The following PPP2R2B variants were observed in gnomAD, a reference collection of about 807,000 sequenced individuals.
PPP2R2B encodes protein phosphatase 2 regulatory subunit Bbeta, also known as serine/threonine-protein phosphatase 2A 55 kDa regulatory subunit B beta isoform.
A neutral mutation model predicts 46.0 loss-of-function variants in PPP2R2B; 5 were observed. The observed-to-expected ratio is 0.11, with a 90% CI of 0.06 to 0.23. The LOEUF is 0.23. Among genes scored for constraint, PPP2R2B ranks in the 10% least tolerant of loss-of-function variants. The pLI is 1.00. For missense variants in PPP2R2B, 367 were observed against 575.0 expected, an observed-to-expected ratio of 0.64 and a Z score of 3.70; for synonymous variants, 215 against 206.7, an observed-to-expected ratio of 1.04 and a Z score of -0.34.
At chr5:146,930,140 G>A in intron 1 of PPP2R2B, among the ~76,000 whole-genome samples, 1 of 152,174 alleles carries the variant, frequency 6.6e-6, no homozygotes, top group Non-Finnish European at 1.5e-5. Context: ...GATAGAAAGA[G>A]TGGAATGGAG....
In PPP2R2B at chr5:146,844,192, G is replaced by C. The variant is rs1759840004; in HGVS notation, c.70+33810C>G. ...CACAGGAAGGGGAATATCACACTCT[G>C]GGGACTGTGGTGGGGTCGGGGGAGG... On this transcript the variant is annotated intron_variant, in intron 2 of 9. Coordinates refer to ENST00000394411, the MANE Select transcript of PPP2R2B (RefSeq NM_181675.4). Among the ~76,000 whole-genome samples, 3 of 134,874 alleles carry C rather than the reference G, an allele frequency of 2.2e-5. No homozygotes were observed. The South Asian group carries it at 8.0e-4, about 36-fold the overall frequency. The allele number at this position is 134,874 out of a possible 152,430, so 88.5% of individuals were successfully genotyped here. A position where few individuals can be genotyped will look rare whatever the true frequency, so the allele number is the denominator to read the frequency against.
intron 5 of PPP2R2B, among the ~76,000 whole-genome samples, chr5:146,670,998 C>T (rs910715416): frequency 2.6e-5 from 4 of 151,950 alleles, no homozygotes; most frequent in Admixed American, 2.6e-4. Flanking sequence ...GGTCAGTTCT[C>T]AGTTTAAAAA....
At chr5:146,590,796 G>A (rs539702089) in intron 9 of PPP2R2B, among the ~76,000 whole-genome samples, 106 of 152,126 alleles carry the variant, frequency 7.0e-4, no homozygotes, top group African/African-American at 2.5e-3. Context: ...CTCTGAATTC[G>A]GCCTTTTTAG....
chr5:146,952,659 T>G (rs1751667538), intron 1 of PPP2R2B, among the ~76,000 whole-genome samples: 5 of 152,166 alleles, frequency 3.3e-5, no homozygotes, highest in Admixed American at 3.3e-4. Flanking sequence ...CCAGGATCAG[T>G]TTCCGTTGCT....
chr5:146,641,529 TG>T (rs746040923), intron 6 of PPP2R2B, among the ~76,000 whole-genome samples: 1,442 of 82,998 alleles, frequency 0.017, 15 homozygotes, highest in Middle Eastern at 0.031. Context: ...TTTTTTTTTT[TG>T]AAGCAGAATT....
intron 1 of PPP2R2B, among the ~76,000 whole-genome samples, chr5:146,965,367 A>T (rs1018824066): frequency 7.2e-5 from 11 of 152,220 alleles, no homozygotes; most frequent in African/African-American, 2.7e-4. Context: ...CTTGTTCAGA[A>T]CGTTGAGGTT....
chr5:146,703,339 A>C (rs1311276303), intron 2 of PPP2R2B, among the ~76,000 whole-genome samples: 1 of 152,200 alleles, frequency 6.6e-6, no homozygotes, highest in Non-Finnish European at 1.5e-5. Flanking sequence ...GAGTAGCAGG[A>C]AATAATGAGA....
intron 2 of PPP2R2B, among the ~76,000 whole-genome samples, chr5:146,852,399 T>C (rs1317551946): frequency 6.6e-6 from 1 of 152,132 alleles, no homozygotes; most frequent in Non-Finnish European, 1.5e-5. Context: ...TGACCATTAA[T>C]ATGTGAAACT....
At chr5:146,992,080 A>C (rs1753719949) in intron 1 of PPP2R2B, among the ~76,000 whole-genome samples, 1 of 151,522 alleles carries the variant, frequency 6.6e-6, no homozygotes, top group Non-Finnish European at 1.5e-5. Context: ...AATCATGAGC[A>C]AAAAGAACAA....
Position 146,861,047 on chromosome 5 carries a change from A to ATTT in PPP2R2B, c.70+16952_70+16954dup, listed in dbSNP as rs869248861. 2.3e-3 allele frequency among the ~76,000 whole-genome samples: 299 copies of ATTT among 132,136 alleles called. 20 individuals are homozygous for ATTT. Among genetic ancestry groups the ATTT allele is most frequent in the East Asian group, 0.012 (51 of 4,316 alleles). The allele number at this position is 132,136 out of a possible 152,430, so 86.7% of individuals were successfully genotyped here. ...ACTCCTCTTCCAGCATTCAAACTGA[A>ATTT]TTTTTTCTTTTTTTTTTTTTTTTTT... On this transcript the variant is annotated intron_variant, in intron 2 of 9. Coordinates refer to ENST00000394411, the MANE Select transcript of PPP2R2B (RefSeq NM_181675.4).
rs188760711 is a variant in PPP2R2B at position 146,608,664 on chromosome 5, G to A, written c.791-8204C>T. Among the ~76,000 whole-genome samples the A allele has an allele frequency of 4.5e-3, 682 of 152,174 alleles. 5 individuals carry two copies. Among genetic ancestry groups the A allele is most frequent in the African/African-American group, 0.015 (638 of 41,514 alleles). On this transcript the variant is annotated intron_variant, in intron 7 of 9. Coordinates refer to ENST00000394411, the MANE Select transcript of PPP2R2B (RefSeq NM_181675.4). The stretch of plus-strand genomic sequence containing the variant: ...ACAAAAATTAGCTGGGCATAGTGGC[G>A]CATGCCTATAGTCCCAGCTACCTGG...
At chr5:146,810,787 A>G (rs112323270) in intron 2 of PPP2R2B, among the ~76,000 whole-genome samples, 2,251 of 151,606 alleles carry the variant, frequency 0.015, 35 homozygotes, top group Non-Finnish European at 0.022. Flanking sequence ...GGTTTGTTAC[A>G]TATGTATACA....
At chr5:146,995,252 T>G (rs1298492156) in intron 1 of PPP2R2B, among the ~76,000 whole-genome samples, 1 of 152,248 alleles carries the variant, frequency 6.6e-6, no homozygotes, top group East Asian at 1.9e-4. Context: ...ATATTAAGAT[T>G]AAATAGGAGC....
At chr5:146,601,337 G>A (rs571699431) in intron 7 of PPP2R2B, among the ~76,000 whole-genome samples, 2 of 152,248 alleles carry the variant, frequency 1.3e-5, no homozygotes, top group East Asian at 3.9e-4. Context: ...GGTGGCTCAT[G>A]CCTGTATTCA....
At chr5:146,621,950 C>G (rs949927227) in intron 7 of PPP2R2B, among the ~76,000 whole-genome samples, 1 of 152,146 alleles carries the variant, frequency 6.6e-6, no homozygotes, top group Non-Finnish European at 1.5e-5. Flanking sequence ...GGTACTTCCT[C>G]CCAGTGTACT....
At chr5:147,009,936 T>G (rs1184033605) in intron 1 of PPP2R2B, among the ~76,000 whole-genome samples, 1 of 151,662 alleles carries the variant, frequency 6.6e-6, no homozygotes, top group South Asian at 2.1e-4. Flanking sequence ...TAAGCATTTT[T>G]TATACTCACT....
chr5:147,045,656 T>A (rs1205559355), intron 1 of PPP2R2B, among the ~76,000 whole-genome samples: 6 of 152,150 alleles, frequency 3.9e-5, no homozygotes, highest in Admixed American at 1.3e-4. Context: ...ATATATATAT[T>A]TTTAAATGTA....
rs111752688 is a variant in PPP2R2B, at chr5:146,846,177, C to G, written c.70+31825G>C. ...AGTGGACTGCTTGAGCCCAGGAGTTCGTGACCAGCCTGGGCAACAAGGCAA... is the reference window on the plus strand; with the variant it reads ...AGTGGACTGCTTGAGCCCAGGAGTTGGTGACCAGCCTGGGCAACAAGGCAA... On this transcript the variant is annotated intron_variant, in intron 2 of 9. Transcript: ENST00000394411. Among the ~76,000 whole-genome samples the G allele has an allele frequency of 2.6e-3, 388 of 148,110 alleles. 3 individuals are homozygous for G. The highest frequency in any genetic ancestry group is 9.2e-3 in the African/African-American group (369 of 39,964).
intron 2 of PPP2R2B, among the ~76,000 whole-genome samples, chr5:146,852,845 GA>G (rs1760429550): frequency 6.6e-6 from 1 of 152,070 alleles, no homozygotes; most frequent in African/African-American, 2.4e-5. Flanking sequence ...AGGTCTATTT[GA>G]CAAAAAAGCG....
Sources: allele counts gnomAD v4.1 joint callset (sites outside exome capture counted in the v4.1 genomes callset), GRCh38; gene constraint gnomAD v4.1.1; transcripts MANE v1.5; gene names NCBI Gene and HGNC (gene_info 2026-07-23, HGNC 2026-07-21).